CHL1: variants seen among roughly 807,000 people sequenced by gnomAD.
CHL1 encodes cell adhesion molecule L1 like.
Under a neutral mutation model 141.9 loss-of-function variants are expected in CHL1, and 96 were observed. The observed-to-expected ratio is 0.68, with a 90% CI of 0.57 to 0.80. CHL1 has a LOEUF of 0.80. Among genes scored for constraint, CHL1 ranks in the 30% least tolerant of loss-of-function variants. The pLI, the probability that CHL1 is intolerant of heterozygous loss-of-function variation, is 0.00. For missense variants in CHL1, 1,820 were observed against 1,457.2 expected (o/e 1.25, Z -4.05); for synonymous variants, 613 against 502.2 (o/e 1.22, Z -2.95).
chr3:358,314 T>TTG (rs1703900279), intron 11 of CHL1, among the ~76,000 whole-genome samples: 2 of 152,252 alleles, frequency 1.3e-5, no homozygotes, highest in Middle Eastern at 3.4e-3. Context: ...CATCCTTCCA[T>TTG]GGTCACATTT....
chr3:322,331 TAG>T (rs1700630277), intron 3 of CHL1, among the ~76,000 whole-genome samples: 2 of 151,878 alleles, frequency 1.3e-5, no homozygotes, highest in African/African-American at 4.8e-5. Flanking sequence ...AGAAAAAAAT[TAG>T]AGTTTGGAAA....
chr3:220,977 C>T (rs1194419307), intron 1 of CHL1, among the ~76,000 whole-genome samples: 1 of 152,180 alleles, frequency 6.6e-6, no homozygotes, highest in Non-Finnish European at 1.5e-5. Flanking sequence ...TCTCCACAAC[C>T]ATCCTTATCT....
At chr3:340,270 G>A (rs568410237) in intron 5 of CHL1, among the ~76,000 whole-genome samples, 1 of 152,158 alleles carries the variant, frequency 6.6e-6, no homozygotes, top group Non-Finnish European at 1.5e-5. Context: ...AACTTAAAGT[G>A]GTCAAATTTG....
chr3:279,890 A>G (rs1696479471), intron 2 of CHL1, among the ~76,000 whole-genome samples: 1 of 152,192 alleles, frequency 6.6e-6, no homozygotes, highest in Admixed American at 6.5e-5. Flanking sequence ...TGCACTTGAG[A>G]AGTCACTTGA....
At position 393,049 on chromosome 3, in the gene CHL1, C is replaced by A. The variant is rs142191294; in HGVS notation, c.2914+1252C>A. Among the ~76,000 whole-genome samples, 7 of 152,004 alleles carry A rather than the reference C, an allele frequency of 4.6e-5. No homozygotes were observed. In the East Asian group the frequency reaches 9.7e-4, roughly 21 times the overall value. ...GAGATCGAGACCATCCTGGCTAACA[C>A]GGTGAAACCCCGTCTCTATTAAAAA... On this transcript the variant is annotated intron_variant, in intron 23 of 27. Coordinates refer to ENST00000256509, the MANE Select transcript of CHL1 (RefSeq NM_006614.4).
intron 1 of CHL1, among the ~76,000 whole-genome samples, chr3:233,506 C>A (rs965095768): frequency 6.6e-6 from 1 of 152,096 alleles, no homozygotes; most frequent in Non-Finnish European, 1.5e-5. Context: ...AAAAATGTAA[C>A]GCATGATCAT....
intron 2 of CHL1, among the ~76,000 whole-genome samples, chr3:296,561 G>A (rs9852392): frequency 0.015 from 2,341 of 152,220 alleles, 64 homozygotes; most frequent in African/African-American, 0.053. Context: ...GAGGAAAAGA[G>A]GCTTTGGAAA....
In CHL1 at chr3:210,205, G is replaced by C. The variant is rs532798188; in HGVS notation, c.-175+13142G>C. ...TCTGAATGTAGCAAAGTAACAATTT[G>C]TGTAAAATGTGAAGGCACATTTTTC... is the stretch of plus-strand genomic sequence containing the variant. On this transcript the variant is annotated intron_variant, in intron 1 of 27. Transcript: ENST00000256509. 2.0e-5 allele frequency among the ~76,000 whole-genome samples: 3 copies of C among 152,354 alleles called. No homozygotes were observed. In the South Asian group the frequency reaches 6.2e-4, roughly 32 times the overall value.
At chr3:390,665 G>A (rs756143281) in intron 20 of CHL1, 36 bp from the exon 21 acceptor site, 22 of 1,190,594 alleles carry the variant, frequency 1.8e-5, no homozygotes, top group Non-Finnish European at 1.1e-5. Context: ...ACATTTGCAG[G>A]TTATTGAAAA....
chr3:312,807 T>G (rs748234746), intron 2 of CHL1, among the ~76,000 whole-genome samples: 43 of 152,176 alleles, frequency 2.8e-4, no homozygotes, highest in South Asian at 2.1e-4. Flanking sequence ...AATTTAAACA[T>G]TTCCGAGTTA....
intron 14 of CHL1, among the ~76,000 whole-genome samples, chr3:364,934 T>C (rs1291679206): frequency 6.6e-6 from 1 of 152,224 alleles, no homozygotes; most frequent in Non-Finnish European, 1.5e-5. Flanking sequence ...AAATTGTATC[T>C]ATTATTATTA....
At chr3:221,087 C>T (rs922801718) in intron 1 of CHL1, among the ~76,000 whole-genome samples, 9 of 152,162 alleles carry the variant, frequency 5.9e-5, no homozygotes, top group Non-Finnish European at 1.2e-4. Context: ...GACCTGAAAT[C>T]CCACACTCAC....
rs139922628 is a variant in CHL1 at position 309,988 on chromosome 3, C to A, written c.-94-9695C>A. Among the ~76,000 whole-genome samples the A allele has an allele frequency of 6.6e-3, 1,002 of 151,424 alleles. 13 individuals are homozygous for A. Among genetic ancestry groups the A allele is most frequent in the African/African-American group, 0.024 (970 of 40,872 alleles). On this transcript the variant is annotated intron_variant, in intron 2 of 27. Transcript: ENST00000256509. ...TATTAATGGAAAATAAGGGACAGAC[C>A]TTTCAGCTTACCTGGAAGTGCCTCA...
At chr3:332,353 G>A (rs1298329820) in intron 5 of CHL1, among the ~76,000 whole-genome samples, 4 of 152,088 alleles carry the variant, frequency 2.6e-5, no homozygotes, top group Admixed American at 2.0e-4. Flanking sequence ...TGAAAAATAA[G>A]AGAATGATAA....
At chr3:235,334 T>C (rs940055082) in intron 1 of CHL1, among the ~76,000 whole-genome samples, 1 of 152,146 alleles carries the variant, frequency 6.6e-6, no homozygotes, top group Admixed American at 6.5e-5. Flanking sequence ...TGTAACTTCT[T>C]CATGCCTTAG....
chr3:206,056 C>T (rs984334875), intron 1 of CHL1, among the ~76,000 whole-genome samples: 7 of 152,180 alleles, frequency 4.6e-5, no homozygotes, highest in Non-Finnish European at 7.3e-5. Flanking sequence ...GTTGTCCATC[C>T]AAACTTACCT....
intron 2 of CHL1, among the ~76,000 whole-genome samples, chr3:267,696 C>T (rs561914965): frequency 5.3e-5 from 8 of 152,264 alleles, no homozygotes; most frequent in Non-Finnish European, 1.0e-4. Flanking sequence ...GCTAGGTTCT[C>T]ATTGATGCTC....
intron 9 of CHL1, among the ~76,000 whole-genome samples, chr3:346,853 A>G (rs560797290): frequency 6.6e-6 from 1 of 152,298 alleles, no homozygotes; most frequent in East Asian, 1.9e-4. Context: ...TTATAATTAA[A>G]GTATTGTACT....
In CHL1 at chr3:405,910, G is replaced by A. The variant is rs75705901; in HGVS notation, c.*199G>A. The A allele has an allele frequency of 7.9e-3, 4,053 of 510,388 alleles. 110 individuals carry two copies. Among genetic ancestry groups the A allele is most frequent in the African/African-American group, 0.066 (3,401 of 51,890 alleles). 31.6% of individuals were successfully genotyped at this position (510,388 alleles called of 1,614,324 possible). On this transcript the variant is annotated 3_prime_UTR_variant, in exon 28 of 28. Transcript: ENST00000256509. ...GCCAAGCACTTCAGGCCTATGTTTTGCTTATATTGTTTTCAGGTGCTCAAA... is the reference window on the plus strand; with the variant it reads ...GCCAAGCACTTCAGGCCTATGTTTTACTTATATTGTTTTCAGGTGCTCAAA...
Sources: gnomAD v4.1 joint callset for allele counts (sites outside exome capture counted in the v4.1 genomes callset) on GRCh38, gnomAD v4.1.1 for gene constraint, MANE v1.5 for transcripts, NCBI Gene and HGNC (gene_info 2026-07-23, HGNC 2026-07-21) for gene names.